Variants in GULP1 observed in about 807,000 individuals in gnomAD.
GULP1 encodes PTB domain-containing engulfment adapter protein 1.
Under a neutral mutation model 40.9 loss-of-function variants are expected in GULP1, and 19 were observed. The ratio of observed to expected loss-of-function variants is 0.46; its 90% CI spans 0.32 to 0.68. GULP1 has a LOEUF of 0.68. Among genes scored for constraint, GULP1 ranks in the 30% least tolerant of loss-of-function variants. The pLI is 0.03. For missense variants in GULP1, 312 were observed against 362.2 expected (o/e 0.86, Z 1.12); for synonymous variants, 119 against 117.6 (o/e 1.01, Z -0.08).
intron 2 of GULP1, among the ~76,000 whole-genome samples, chr2:188,418,792 T>C (rs1417613276): frequency 1.3e-5 from 2 of 152,242 alleles, no homozygotes; most frequent in African/African-American, 4.8e-5. Context: ...TATTGTTGAC[T>C]ATAGCTACAA....
intron 9 of GULP1, among the ~76,000 whole-genome samples, chr2:188,572,438 C>T (rs1699248443): frequency 6.6e-6 from 1 of 152,140 alleles, no homozygotes; most frequent in Non-Finnish European, 1.5e-5. Flanking sequence ...AAAACTACAA[C>T]TAAGAGGTTG....
intron 2 of GULP1, among the ~76,000 whole-genome samples, chr2:188,456,606 G>A (rs2059287747): frequency 6.6e-6 from 1 of 152,206 alleles, no homozygotes; most frequent in Non-Finnish European, 1.5e-5. Context: ...TGCTGCAGGG[G>A]TGGGGTCATC....
intron 2 of GULP1, among the ~76,000 whole-genome samples, chr2:188,445,037 T>C (rs2058263572): frequency 6.6e-6 from 1 of 152,162 alleles, no homozygotes; most frequent in African/African-American, 2.4e-5. Context: ...AAATGTAACA[T>C]TCTAATTTCA....
chr2:188,494,954 C>T (rs1442812474), intron 4 of GULP1, among the ~76,000 whole-genome samples: 1 of 152,036 alleles, frequency 6.6e-6, no homozygotes, highest in Non-Finnish European at 1.5e-5. Context: ...TTACCTGATA[C>T]CACAGTCCTC....
chr2:188,493,034 A>G (rs536345699), intron 4 of GULP1, among the ~76,000 whole-genome samples: 2 of 152,136 alleles, frequency 1.3e-5, no homozygotes, highest in Non-Finnish European at 2.9e-5. Context: ...TATGATTTCC[A>G]TAGCAGTTTA....
At chr2:188,467,033 C>A (rs1169244716) in intron 2 of GULP1, among the ~76,000 whole-genome samples, 1 of 151,828 alleles carries the variant, frequency 6.6e-6, no homozygotes, top group African/African-American at 2.4e-5. Context: ...CAATATTCAT[C>A]CATCAATTAG....
chr2:188,416,726 T>G (rs894823914), intron 2 of GULP1, among the ~76,000 whole-genome samples: 10 of 152,194 alleles, frequency 6.6e-5, no homozygotes, highest in Non-Finnish European at 1.0e-4. Context: ...TAGAGACAGA[T>G]TTGATCTTTA....
chr2:188,331,742 AT>A (rs1332804550), intron 1 of GULP1, among the ~76,000 whole-genome samples: 1 of 152,156 alleles, frequency 6.6e-6, no homozygotes, highest in African/African-American at 2.4e-5. Context: ...TCAATGCTTG[AT>A]TATTTCTGAT....
intron 5 of GULP1, 148 bp downstream of exon 5, chr2:188,522,975 A>T (rs970624337): frequency 1.9e-6 from 1 of 526,916 alleles, no homozygotes; most frequent in Middle Eastern, 2.8e-4. Flanking sequence ...AATCATATCA[A>T]GGAAACATTT....
intron 9 of GULP1, among the ~76,000 whole-genome samples, chr2:188,573,918 T>C (rs961978377): frequency 4.6e-5 from 7 of 152,182 alleles, no homozygotes; most frequent in African/African-American, 1.7e-4. Flanking sequence ...CAGGTCTTGA[T>C]CCCATTGGAA....
rs182931622 is a variant in GULP1 at position 188,392,117 on chromosome 2, G to A, written c.-45+8228G>A. ...CTCACTTTGGTATCAGGGTGATACTGGCTTCATATAATGAATTAGGGAGGA... is the reference window on the plus strand; with the variant it reads ...CTCACTTTGGTATCAGGGTGATACTAGCTTCATATAATGAATTAGGGAGGA... On this transcript the variant is annotated intron_variant, in intron 2 of 11. Transcript: ENST00000409830. 1.5e-4 allele frequency among the ~76,000 whole-genome samples: 23 copies of A among 152,130 alleles called. 1 individual carries two copies. Among genetic ancestry groups the A allele is most frequent in the African/African-American group, 5.5e-4 (23 of 41,548 alleles).
chr2:188,298,214 A>G (rs954259070), intron 1 of GULP1, among the ~76,000 whole-genome samples: 4 of 151,980 alleles, frequency 2.6e-5, no homozygotes, highest in African/African-American at 9.7e-5. Context: ...GTGTTATTAT[A>G]GTCATAAAGA....
chr2:188,469,308 CT>C (rs2060391303), intron 2 of GULP1, among the ~76,000 whole-genome samples: 2 of 152,108 alleles, frequency 1.3e-5, no homozygotes, highest in Non-Finnish European at 2.9e-5. Flanking sequence ...GGAAGGGTTC[CT>C]TGCAATAAGC....
At position 188,320,227 on chromosome 2, in the gene GULP1, C is replaced by T. The variant is rs907856825; in HGVS notation, c.-172+28061C>T. Among the ~76,000 whole-genome samples, 7 of 152,220 alleles carry T rather than the reference C, an allele frequency of 4.6e-5. No homozygotes were observed. The East Asian group carries it at 1.4e-3, about 29-fold the overall frequency. On this transcript the variant is annotated intron_variant, in intron 1 of 11. Coordinates refer to ENST00000409830, the MANE Select transcript of GULP1 (RefSeq NM_016315.4). ...AGAGAACCAAAGTTTATTAGCATCT[C>T]TAAACTCATATAGTATTTTTTGGAC...
intron 6 of GULP1, among the ~76,000 whole-genome samples, chr2:188,535,216 G>T (rs1688615415): frequency 6.6e-6 from 1 of 151,838 alleles, no homozygotes; most frequent in Non-Finnish European, 1.5e-5. Flanking sequence ...AGATTCAAGA[G>T]TTACATGTGC....
chr2:188,342,664 A>T (rs919381113), intron 1 of GULP1, among the ~76,000 whole-genome samples: 1 of 152,178 alleles, frequency 6.6e-6, no homozygotes, highest in East Asian at 1.9e-4. Flanking sequence ...CAATTCACAG[A>T]TTACTTAGTT....
intron 1 of GULP1, among the ~76,000 whole-genome samples, chr2:188,353,874 C>T (rs1457929138): frequency 6.6e-6 from 1 of 151,920 alleles, no homozygotes; most frequent in Non-Finnish European, 1.5e-5. Flanking sequence ...TACATAATGC[C>T]TCCCAGGGAA....
intron 7 of GULP1, among the ~76,000 whole-genome samples, chr2:188,560,092 G>A (rs1695860268): frequency 6.6e-6 from 1 of 152,110 alleles, no homozygotes; most frequent in South Asian, 2.1e-4. Flanking sequence ...AATACAGTGA[G>A]GCTGCAAATT....
At chr2:188,342,466 T>A (rs930407201) in intron 1 of GULP1, among the ~76,000 whole-genome samples, 1 of 152,164 alleles carries the variant, frequency 6.6e-6, no homozygotes, top group Non-Finnish European at 1.5e-5. Context: ...TTTATCTGAA[T>A]TTTTTTAACC....
Sources: gnomAD v4.1 joint callset for allele counts (sites outside exome capture counted in the v4.1 genomes callset) on GRCh38, gnomAD v4.1.1 for gene constraint, MANE v1.5 for transcripts, NCBI Gene and HGNC (gene_info 2026-07-23, HGNC 2026-07-21) for gene names.